The following BAIAP2 variants were observed in gnomAD, a reference collection of about 807,000 sequenced individuals.
The protein encoded by BAIAP2 is BAR/IMD domain-containing adapter protein 2.
In BAIAP2, 18 loss-of-function variants were observed where a neutral mutation model predicts 63.0. The observed-to-expected ratio is 0.29, with a 90% CI of 0.20 to 0.42. The LOEUF is 0.42. Ranked by LOEUF, BAIAP2 falls within the 10% of genes least tolerant of loss-of-function variation. The pLI is 1.00. For synonymous variants in BAIAP2, 386 were observed against 307.6 expected (o/e 1.25, Z -2.67); for missense variants, 610 against 734.3 (o/e 0.83, Z 1.96).
chr17:81,039,933 C>G (rs183460728), intron 1 of BAIAP2, among the ~76,000 whole-genome samples: 15 of 152,306 alleles, frequency 9.8e-5, no homozygotes, highest in African/African-American at 3.6e-4. Flanking sequence ...CTCCCCAGTT[C>G]ACAGGTCTGG....
intron 3 of BAIAP2, among the ~76,000 whole-genome samples, chr17:81,074,582 T>C (rs9895151): frequency 0.24 from 35,867 of 149,400 alleles, 4,427 homozygotes; most frequent in Non-Finnish European, 0.26. Flanking sequence ...TGCATGGATG[T>C]GTGAGTGCCT....
chr17:81,055,789 T>A (rs1405649451), intron 2 of BAIAP2, among the ~76,000 whole-genome samples: 1 of 151,814 alleles, frequency 6.6e-6, no homozygotes, highest in Non-Finnish European at 1.5e-5. Flanking sequence ...ATGGTCTCGA[T>A]CTCCTGACCT....
chr17:81,072,097 C>T (rs781501124), intron 3 of BAIAP2, among the ~76,000 whole-genome samples: 5 of 152,316 alleles, frequency 3.3e-5, no homozygotes, highest in Admixed American at 1.3e-4. Context: ...GGGTTCCCTG[C>T]GGGCTGTGGG....
At chr17:81,101,495 G>A (rs1229697712) in intron 7 of BAIAP2, among the ~76,000 whole-genome samples, 1 of 152,142 alleles carries the variant, frequency 6.6e-6, no homozygotes, top group Non-Finnish European at 1.5e-5. Flanking sequence ...CAAGAGTTTC[G>A]AAGATGTAGT....
At chr17:81,067,191 T>C (rs2051642278) in intron 3 of BAIAP2, among the ~76,000 whole-genome samples, 1 of 152,128 alleles carries the variant, frequency 6.6e-6, no homozygotes. Context: ...CCTCCCTCCC[T>C]ACAGTAGGAC....
intron 13 of BAIAP2, chr17:81,109,219 G>C (rs1416284623): frequency 7.2e-7 from 1 of 1,389,782 alleles, no homozygotes; most frequent in Non-Finnish European, 9.3e-7. Flanking sequence ...GCCCCATCCT[G>C]TGTGTCCCAG....
intron 11 of BAIAP2, 86 bp downstream of exon 11, chr17:81,106,232 C>A (rs754241551): frequency 7.2e-7 from 1 of 1,389,664 alleles, no homozygotes; most frequent in South Asian, 1.3e-5. Flanking sequence ...TTGGATTGCT[C>A]GGCTGGGCTT....
At chr17:81,090,815 C>T (rs1182891287) in intron 6 of BAIAP2, among the ~76,000 whole-genome samples, 1 of 127,910 alleles carries the variant, frequency 7.8e-6, no homozygotes, top group Non-Finnish European at 1.8e-5. Context: ...CTGCCGGCCT[C>T]GCTGCTCCAG....
In BAIAP2 at chr17:81,035,195, CGCT is replaced by C. The variant is rs1193770820; in HGVS notation, c.-54_-52del. On this transcript the variant is annotated 5_prime_UTR_variant, in exon 1 of 14. Transcript: ENST00000428708. ...GTCTCCGTCCTGCTGCCGTTACCGC[CGCT>C]GCTGCCGCCGCTTGCGTCCCCCGCT... 1.5e-6 allele frequency: 2 copies of C among 1,378,306 alleles called. No individual in the cohort carries two copies. Among genetic ancestry groups the C allele is most frequent in the Non-Finnish European group, 1.9e-6 (2 of 1,033,466 alleles). The allele number at this position is 1,378,306 out of a possible 1,614,324, so 85.4% of individuals were successfully genotyped here.
At position 81,106,646 on chromosome 17, in the gene BAIAP2, G is replaced by A. The variant is rs145952978; in HGVS notation, c.1338-99G>A. On this transcript the variant is annotated intron_variant, in intron 11 of 13. Coordinates refer to ENST00000428708, the MANE Select transcript of BAIAP2 (RefSeq NM_001144888.2). ...TGAGAGCAGCCTCCCCGCATGTGGCGTGGGCTAGGTGAGGGCGGGCAGTCC... is the reference window on the plus strand; with the variant it reads ...TGAGAGCAGCCTCCCCGCATGTGGCATGGGCTAGGTGAGGGCGGGCAGTCC... The A allele has an allele frequency of 2.7e-5, 39 of 1,423,296 alleles. 1 individual carries two copies. Among genetic ancestry groups the A allele is most frequent in the East Asian group, 2.3e-4 (10 of 43,192 alleles). 88.2% of individuals were successfully genotyped at this position (1,423,296 alleles called of 1,614,324 possible). A position where few individuals can be genotyped will look rare whatever the true frequency, so the allele number is the denominator to read the frequency against.
intron 6 of BAIAP2, among the ~76,000 whole-genome samples, chr17:81,098,548 C>T (rs1234780215): frequency 3.9e-5 from 6 of 152,214 alleles, no homozygotes; most frequent in African/African-American, 1.2e-4. Flanking sequence ...CACCATCCAT[C>T]TCCAGAACTT....
At chr17:81,045,318 G>C (rs942529480) in intron 1 of BAIAP2, among the ~76,000 whole-genome samples, 4 of 152,118 alleles carry the variant, frequency 2.6e-5, no homozygotes, top group Admixed American at 2.6e-4. Flanking sequence ...TGGGGCTGGG[G>C]GCCCAGGGGA....
At chr17:81,037,885 T>G (rs975614044) in intron 1 of BAIAP2, among the ~76,000 whole-genome samples, 2 of 152,252 alleles carry the variant, frequency 1.3e-5, no homozygotes, top group African/African-American at 4.8e-5. Context: ...GCAGTTTTGA[T>G]TTTCTTCCCC....
At chr17:81,095,361 C>G (rs1435737906) in intron 6 of BAIAP2, among the ~76,000 whole-genome samples, 2 of 152,192 alleles carry the variant, frequency 1.3e-5, no homozygotes, top group African/African-American at 4.8e-5. Context: ...CAGCAGGTCA[C>G]AGTTGGCCGG....
rs964320988 is a variant in BAIAP2 at position 81,117,379 on chromosome 17, A to C, written c.*1540A>C. Reference sequence around the variant, plus strand: ...GCGTTCTAAGCCTCAAACAAAACACAAAACAAATCCCCCTGCGAAGCAACA... The same window carrying C: ...GCGTTCTAAGCCTCAAACAAAACACCAAACAAATCCCCCTGCGAAGCAACA... On this transcript the variant is annotated 3_prime_UTR_variant, in exon 14 of 14. Transcript: ENST00000428708. The C allele has an allele frequency of 2.0e-5, 3 of 152,316 alleles. No individual in the cohort carries two copies. Among genetic ancestry groups the C allele is most frequent in the Non-Finnish European group, 4.4e-5 (3 of 68,062 alleles). 9.4% of individuals were successfully genotyped at this position (152,316 alleles called of 1,614,324 possible). A position where few individuals can be genotyped will look rare whatever the true frequency, so the allele number is the denominator to read the frequency against.
chr17:81,081,994 G>A (rs996182220), intron 3 of BAIAP2, among the ~76,000 whole-genome samples: 27 of 152,106 alleles, frequency 1.8e-4, no homozygotes, highest in Non-Finnish European at 2.4e-4. Context: ...GTGCCAGGGC[G>A]CGTCTTAGGT....
Position 81,104,730 on chromosome 17 carries a change from G to T in BAIAP2, c.1268+15G>T. On this transcript the variant is annotated intron_variant, in intron 10 of 13. Transcript: ENST00000428708. Reference sequence around the variant, plus strand: ...AAGACCAAGATGTGAGTGTTTCTCGGGGGCGGGCTCCAGGCAGCCGCTGCC... The same window carrying T: ...AAGACCAAGATGTGAGTGTTTCTCGTGGGCGGGCTCCAGGCAGCCGCTGCC... The T allele has an allele frequency of 1.3e-6, 2 of 1,551,470 alleles. No individual in the cohort carries two copies. Among genetic ancestry groups the T allele is most frequent in the Non-Finnish European group, 1.7e-6 (2 of 1,144,918 alleles).
At position 81,110,124 on chromosome 17, in the gene BAIAP2, G is replaced by T. The variant is rs942994172; in HGVS notation, c.1535+1615G>T. 3.0e-6 allele frequency: 3 copies of T among 985,360 alleles called. No individual in the cohort carries two copies. The African/African-American group carries it at 5.2e-5, about 17-fold the overall frequency. 61.0% of individuals were successfully genotyped at this position (985,360 alleles called of 1,614,324 possible). On this transcript the variant is annotated intron_variant, in intron 13 of 13. Coordinates refer to ENST00000428708, the MANE Select transcript of BAIAP2 (RefSeq NM_001144888.2). ...ACAGCCCGGCTCAGCCTGCCCGCTG[G>T]TGGGAGCCCCTGGGAAGCTGCGGCG...
At chr17:81,083,414 G>A (rs55636822) in intron 3 of BAIAP2, 33,277 of 152,210 alleles carry the variant, frequency 0.22, 4,385 homozygotes, top group Admixed American at 0.34. Flanking sequence ...CGTGGTCAGT[G>A]CCTGGCACTG....
Sources: gnomAD v4.1 joint callset for allele counts (sites outside exome capture counted in the v4.1 genomes callset) on GRCh38, gnomAD v4.1.1 for gene constraint, MANE v1.5 for transcripts, NCBI Gene and HGNC (gene_info 2026-07-23, HGNC 2026-07-21) for gene names.